FXYD5: variants seen among roughly 807,000 people sequenced by gnomAD.
FXYD5 encodes the protein FXYD domain-containing ion transport regulator 5.
In FXYD5, 21 loss-of-function variants were observed where a neutral mutation model predicts 25.7. The observed-to-expected ratio is 0.82, with a 90% CI of 0.58 to 1.18. The LOEUF is 1.18. Ranked by LOEUF, FXYD5 falls within the 50% of genes most tolerant of loss-of-function variation. The pLI is 0.00. For missense variants in FXYD5, 229 were observed against 227.7 expected, an observed-to-expected ratio of 1.01 and a Z score of -0.04; for synonymous variants, 101 against 90.7, an observed-to-expected ratio of 1.11 and a Z score of -0.64.
rs972263049 is a variant in FXYD5 at position 35,168,701 on chromosome 19, C to G, written c.488-865C>G. On this transcript the variant is annotated intron_variant, in intron 8 of 8. Transcript: ENST00000392219. ...CTCGTACCTCAAGGCCTTTGCGCTGCTGTTCCCTCTGCCTGTAACACCCTT... is the reference window on the plus strand; with the variant it reads ...CTCGTACCTCAAGGCCTTTGCGCTGGTGTTCCCTCTGCCTGTAACACCCTT... Among the ~76,000 whole-genome samples, 8 of 152,154 alleles carry G rather than the reference C, an allele frequency of 5.3e-5. 1 individual carries two copies. The highest frequency in any genetic ancestry group is 4.6e-4 in the Admixed American group (7 of 15,270).
intron 5 of FXYD5, chr19:35,163,915 G>A (rs1191880955): frequency 4.7e-6 from 6 of 1,283,830 alleles, no homozygotes; most frequent in South Asian, 1.6e-5. Flanking sequence ...GGGGTCTGGA[G>A]TCCCTCGGGG....
chr19:35,164,263 C>T lies in FXYD5; in HGVS notation c.382+18C>T, dbSNP rs749615957. The T allele has an allele frequency of 1.9e-6, 3 of 1,601,018 alleles. No homozygotes were observed. The Admixed American group carries it at 5.1e-5, about 27-fold the overall frequency. On this transcript the variant is annotated intron_variant, in intron 6 of 8. Transcript: ENST00000392219. Reference sequence around the variant, plus strand: ...GCCATCTGGTTAGTAACTGCCTCCCCAGACTGGAAACAGGCTATTTTCTGT... The same window carrying T: ...GCCATCTGGTTAGTAACTGCCTCCCTAGACTGGAAACAGGCTATTTTCTGT...
At chr19:35,155,437 T>G in intron 1 of FXYD5, 114 bp from the exon 2 acceptor site, 1 of 862,190 alleles carries the variant, frequency 1.2e-6, no homozygotes, top group Non-Finnish European at 1.9e-6. Flanking sequence ...CAGGGGGTCT[T>G]GGAAGCCAGA....
At chr19:35,155,248 G>T (rs969924324) in intron 1 of FXYD5, 5 of 476,564 alleles carry the variant, frequency 1.0e-5, no homozygotes, top group Non-Finnish European at 1.9e-5. Flanking sequence ...GGCGGAAGGC[G>T]CAGGGAGGTG....
At chr19:35,155,766 G>C (rs1214687790) in intron 2 of FXYD5, among the ~76,000 whole-genome samples, 155 bp downstream of exon 2, 2 of 152,230 alleles carry the variant, frequency 1.3e-5, no homozygotes, top group East Asian at 1.9e-4. Flanking sequence ...CCCTATGGCG[G>C]GGCGACGTTA....
At chr19:35,166,214 TC>T in intron 7 of FXYD5, 36 bp from the exon 8 acceptor site, 2 of 1,609,790 alleles carry the variant, frequency 1.2e-6, no homozygotes, top group East Asian at 2.2e-5. Context: ...AAAGGTGAGG[TC>T]CGTCTGACTC....
chr19:35,159,081 C>G (rs1278503599), intron 4 of FXYD5, among the ~76,000 whole-genome samples: 1 of 150,962 alleles, frequency 6.6e-6, no homozygotes, highest in Non-Finnish European at 1.5e-5. Context: ...GAGCCAAGAT[C>G]TTGCCACTGC....
chr19:35,157,377 G>T, intron 2 of FXYD5, 44 bp from the exon 3 acceptor site: 2 of 1,057,550 alleles, frequency 1.9e-6, no homozygotes, highest in South Asian at 1.3e-5. Context: ...GGTGAGAGGA[G>T]GGGGACCAGG....
chr19:35,169,471 G>C (rs189072290), intron 8 of FXYD5, 95 bp from the exon 9 acceptor site: 13 of 926,620 alleles, frequency 1.4e-5, no homozygotes, highest in Non-Finnish European at 2.3e-5. Flanking sequence ...TTTCCCGAGG[G>C]GCAGGGTTGA....
At chr19:35,156,530 C>T (rs1234362762) in intron 2 of FXYD5, among the ~76,000 whole-genome samples, 4 of 152,040 alleles carry the variant, frequency 2.6e-5, no homozygotes, top group Non-Finnish European at 5.9e-5. Context: ...TCAGGGAGGG[C>T]CTCACTGAGG....
chr19:35,167,408 A>G (rs1429255101), intron 8 of FXYD5, among the ~76,000 whole-genome samples: 1 of 152,156 alleles, frequency 6.6e-6, no homozygotes. Flanking sequence ...CCAAACCAGG[A>G]GGGAGCAGGG....
In FXYD5 at chr19:35,161,247, C is replaced by CACACACACACACACACACACACACACACA. The variant is rs1159555518; in HGVS notation, c.292+447_292+448insCACACACACACACACACACACACACACAA. The stretch of plus-strand genomic sequence containing the variant: ...ACACACACACACACACACACACACA[C>CACACACACACACACACACACACACACACA]AAAAGAATGATTGGCTATATAAGTT... On this transcript the variant is annotated intron_variant, in intron 5 of 8. Transcript: ENST00000392219. 5.5e-5 allele frequency among the ~76,000 whole-genome samples: 7 copies of CACACACACACACACACACACACACACACA among 126,812 alleles called. 1 individual carries two copies. The highest frequency in any genetic ancestry group is 2.3e-4 in the African/African-American group (7 of 30,764). The allele number at this position is 126,812 out of a possible 152,430, so 83.2% of individuals were successfully genotyped here. A position where few individuals can be genotyped will look rare whatever the true frequency, so the allele number is the denominator to read the frequency against.
chr19:35,157,589 T>C, intron 3 of FXYD5, 88 bp downstream of exon 3: 1 of 730,158 alleles, frequency 1.4e-6, no homozygotes, highest in Non-Finnish European at 2.5e-6. Flanking sequence ...ACAAGGGAAT[T>C]TATGGATTTA....
intron 6 of FXYD5, among the ~76,000 whole-genome samples, chr19:35,165,221 C>T (rs1057017756): frequency 2.0e-5 from 3 of 152,218 alleles, no homozygotes; most frequent in East Asian, 1.9e-4. Context: ...AGAATGGCTA[C>T]TCTATAGGCA....
At chr19:35,158,463 T>C (rs2065377225) in intron 4 of FXYD5, 63 bp downstream of exon 4, 3 of 962,554 alleles carry the variant, frequency 3.1e-6, no homozygotes, top group South Asian at 1.3e-5. Context: ...CCCCTCTTCC[T>C]CTGACACTAT....
intron 5 of FXYD5, among the ~76,000 whole-genome samples, chr19:35,161,221 AACAC>A (rs147168736): frequency 2.6e-5 from 1 of 38,204 alleles, no homozygotes; most frequent in Non-Finnish European, 5.4e-5. Flanking sequence ...ATTCACCTTA[AACAC>A]ACACACACAC....
intron 4 of FXYD5, among the ~76,000 whole-genome samples, chr19:35,160,190 T>A (rs565235370): frequency 9.9e-5 from 15 of 152,256 alleles, no homozygotes; most frequent in African/African-American, 3.6e-4. Flanking sequence ...GCTCAGGTGA[T>A]AGAGTGAGAC....
intron 5 of FXYD5, chr19:35,163,946 C>T (rs1371071638): frequency 1.4e-5 from 20 of 1,435,864 alleles, no homozygotes; most frequent in South Asian, 8.8e-5. Flanking sequence ...ATCAGATAGT[C>T]GCAACCGGGG....
At chr19:35,168,721 A>C (rs918465916) in intron 8 of FXYD5, among the ~76,000 whole-genome samples, 2 of 151,980 alleles carry the variant, frequency 1.3e-5, no homozygotes, top group Non-Finnish European at 2.9e-5. Context: ...TGCCTGTAAC[A>C]CCCTTCCTCC....
Sources: gnomAD v4.1 joint callset for allele counts (sites outside exome capture counted in the v4.1 genomes callset) on GRCh38, gnomAD v4.1.1 for gene constraint, MANE v1.5 for transcripts, NCBI Gene and HGNC (gene_info 2026-07-23, HGNC 2026-07-21) for gene names.